RALB: variants seen among roughly 807,000 people sequenced by gnomAD.
RALB encodes the protein ras-related protein Ral-B.
Under a neutral mutation model 21.3 loss-of-function variants are expected in RALB, and 16 were observed. That is an observed-to-expected ratio of 0.75 (90% confidence interval 0.51 to 1.14). RALB has a LOEUF of 1.14. RALB is among the 50% of genes most tolerant of loss of function. The probability of loss-of-function intolerance (pLI) is 0.00; values close to 1 mark genes in which losing one functional copy is unlikely to be tolerated. For synonymous variants in RALB, 93 were observed against 96.1 expected (o/e 0.97, Z 0.19); for missense variants, 161 against 256.2 (o/e 0.63, Z 2.54).
chr2:120,250,514 C>A (rs1225946191), upstream of RALB, among the ~76,000 whole-genome samples: 1 of 152,216 alleles, frequency 6.6e-6, no homozygotes, highest in Non-Finnish European at 1.5e-5. Flanking sequence ...CCAGTGCTCA[C>A]AAGAGAGGAG....
rs776654341 is a variant in RALB at position 120,289,732 on chromosome 2, C to T, written c.476C>T (p.Ala159Val). ...GGCGTGCAGTACGTGGAGACGTCAG[C>T]GAAGACCCGGGCCAACGTGGACAAG... is the stretch of plus-strand genomic sequence containing the variant. Reference protein sequence around the residue: ...EWGVQYVETSAKTRANVDKVF... With the variant: ...EWGVQYVETSVKTRANVDKVF... Residue 159 changes from alanine to valine, a missense_variant, in exon 4 of 5, where the codon GCG becomes GTG. Physicochemically the swap from Ala to Val is moderately conservative, Grantham distance 64. Coordinates refer to ENST00000272519, the MANE Select transcript of RALB (RefSeq NM_002881.3). The T allele has an allele frequency of 6.2e-7, 1 of 1,610,376 alleles. No homozygotes were observed. The highest frequency in any genetic ancestry group is 8.5e-7 in the Non-Finnish European group (1 of 1,178,382).
At chr2:120,276,160 T>C (rs999647277) in intron 1 of RALB, among the ~76,000 whole-genome samples, 1 of 152,250 alleles carries the variant, frequency 6.6e-6, no homozygotes, top group African/African-American at 2.4e-5. Context: ...ATGGTGGACC[T>C]GCCTGGCCCC....
chr2:120,289,633 T>G lies in RALB; in HGVS notation c.377T>G (p.Val126Gly). Residue 126 changes from valine to glycine, a missense_variant, in exon 4 of 5, where the codon GTG becomes GGG. Transcript: ENST00000272519. Reference protein sequence around the residue: ...AEEDKIPLLVVGNKSDLEERR... With the variant: ...AEEDKIPLLVGGNKSDLEERR... ...GAAGATAAAATTCCACTGCTCGTCG[T>G]GGGAAACAAGTCTGACCTAGAGGAG... 6.2e-7 allele frequency: 1 copy of G among 1,614,204 alleles called. No homozygotes were observed. The highest frequency in any genetic ancestry group is 8.5e-7 in the Non-Finnish European group (1 of 1,180,024).
upstream of RALB, among the ~76,000 whole-genome samples, chr2:120,252,228 G>C (rs1465524890): frequency 1.3e-5 from 2 of 152,118 alleles, no homozygotes; most frequent in African/African-American, 4.8e-5. Flanking sequence ...CTTGCCCACT[G>C]CACTTCCTGC....
chr2:120,252,325 C>T (rs1303933250), upstream of RALB, among the ~76,000 whole-genome samples: 2 of 152,204 alleles, frequency 1.3e-5, no homozygotes, highest in African/African-American at 4.8e-5. Flanking sequence ...TCCATTACTG[C>T]TAATGGGATG....
At chr2:120,268,580 G>T (rs1021431207) in intron 1 of RALB, among the ~76,000 whole-genome samples, 13 of 152,148 alleles carry the variant, frequency 8.5e-5, no homozygotes, top group Admixed American at 4.6e-4. Context: ...AGTGTGTGTG[G>T]GGGGTGTTGC....
At chr2:120,253,307 C>T (rs927574525) in intron 1 of RALB, 25 of 824,628 alleles carry the variant, frequency 3.0e-5, no homozygotes, top group Non-Finnish European at 3.5e-5. Flanking sequence ...GCCTCCCGCT[C>T]GGGACCGTCC....
chr2:120,251,167 C>A (rs1435956112), upstream of RALB, among the ~76,000 whole-genome samples: 1 of 152,222 alleles, frequency 6.6e-6, no homozygotes, highest in African/African-American at 2.4e-5. Context: ...AACTATCATA[C>A]CCTTTTCACT....
At chr2:120,290,650 T>C (rs1311388389) in intron 4 of RALB, among the ~76,000 whole-genome samples, 2 of 151,704 alleles carry the variant, frequency 1.3e-5, no homozygotes, top group African/African-American at 4.8e-5. Flanking sequence ...TTTTTATCTC[T>C]TATCCCATCC....
intron 2 of RALB, among the ~76,000 whole-genome samples, chr2:120,285,514 A>G (rs545497448): frequency 7.2e-5 from 11 of 152,332 alleles, no homozygotes; most frequent in African/African-American, 2.4e-4. Flanking sequence ...ACACGTGTAT[A>G]CATGTGTAAC....
At chr2:120,262,932 G>T (rs771905504) in intron 1 of RALB, among the ~76,000 whole-genome samples, 1 of 152,172 alleles carries the variant, frequency 6.6e-6, no homozygotes, top group Non-Finnish European at 1.5e-5. Context: ...GCCCTGAGAC[G>T]TAGGCAGGGC....
chr2:120,258,339 C>G (rs1275442796), intron 1 of RALB, among the ~76,000 whole-genome samples: 2 of 152,202 alleles, frequency 1.3e-5, no homozygotes, highest in Non-Finnish European at 2.9e-5. Flanking sequence ...GACTTTGCTT[C>G]CTCTTGCTTC....
chr2:120,288,342 G>GTTTTTTTTTTTTTT lies in RALB; in HGVS notation c.324-1227_324-1226insTTTTTTTTTTTTTT, dbSNP rs547733377. On this transcript the variant is annotated intron_variant, in intron 3 of 4. Coordinates refer to ENST00000272519, the MANE Select transcript of RALB (RefSeq NM_002881.3). Reference sequence around the variant, plus strand: ...TTAAATTGACTACATGAAAATTTTAGTTTTTTTTTTTGTTTTTTTTTTTGT... The same window carrying GTTTTTTTTTTTTTT: ...TTAAATTGACTACATGAAAATTTTAGTTTTTTTTTTTTTTTTTTTTTTTTTGTTTTTTTTTTTGT... Among the ~76,000 whole-genome samples, 19 of 117,092 alleles carry GTTTTTTTTTTTTTT rather than the reference G, an allele frequency of 1.6e-4. 3 individuals are homozygous for GTTTTTTTTTTTTTT. Among genetic ancestry groups the GTTTTTTTTTTTTTT allele is most frequent in the Non-Finnish European group, 2.5e-4 (15 of 60,192 alleles). The allele number at this position is 117,092 out of a possible 152,430, so 76.8% of individuals were successfully genotyped here. A position where few individuals can be genotyped will look rare whatever the true frequency, so the allele number is the denominator to read the frequency against.
chr2:120,293,069 T>G, intron 4 of RALB, 72 bp from the exon 5 acceptor site: 1 of 1,461,962 alleles, frequency 6.8e-7, no homozygotes, highest in Non-Finnish European at 9.1e-7. Flanking sequence ...CAGTGTCAGG[T>G]TAACAAAAGA....
chr2:120,282,546 G>GGT (rs745425645), intron 2 of RALB, among the ~76,000 whole-genome samples: 5 of 129,792 alleles, frequency 3.9e-5, no homozygotes, highest in East Asian at 2.7e-4. Context: ...GAGGTTTCTG[G>GGT]GTGTGTGTGT....
Position 120,278,796 on chromosome 2 carries a change from C to G in RALB, c.114+18C>G. 1 of 1,503,798 alleles carries G rather than the reference C, an allele frequency of 6.6e-7. No individual in the cohort carries two copies. The highest frequency in any genetic ancestry group is 1.3e-5 in the South Asian group (1 of 75,212). The allele number at this position is 1,503,798 out of a possible 1,614,324, so 93.2% of individuals were successfully genotyped here. A position where few individuals can be genotyped will look rare whatever the true frequency, so the allele number is the denominator to read the frequency against. On this transcript the variant is annotated intron_variant, in intron 2 of 4. Coordinates refer to ENST00000272519, the MANE Select transcript of RALB (RefSeq NM_002881.3). ...ATGACGAGGTAAGCCCTGCTAGGCACAGACCACCTTCCTTTGGCATTGGCC... is the reference window on the plus strand; with the variant it reads ...ATGACGAGGTAAGCCCTGCTAGGCAGAGACCACCTTCCTTTGGCATTGGCC...
At chr2:120,265,080 T>G (rs1689467542) in intron 1 of RALB, among the ~76,000 whole-genome samples, 1 of 152,206 alleles carries the variant, frequency 6.6e-6, no homozygotes, top group Admixed American at 6.5e-5. Context: ...TCTGTTCAAG[T>G]CCTTGCTTTC....
intron 1 of RALB, among the ~76,000 whole-genome samples, chr2:120,272,738 G>T (rs920410916): frequency 1.3e-5 from 2 of 151,828 alleles, no homozygotes; most frequent in African/African-American, 4.8e-5. Flanking sequence ...TATCTAGTCA[G>T]TTCCTTCAGC....
upstream of RALB, among the ~76,000 whole-genome samples, chr2:120,250,180 C>T (rs73948769): frequency 0.027 from 4,047 of 152,228 alleles, 187 homozygotes; most frequent in African/African-American, 0.093. Flanking sequence ...ACCTTGCATC[C>T]GTCAGAGCAG....
Sources: gnomAD v4.1 joint callset for allele counts (sites outside exome capture counted in the v4.1 genomes callset) on GRCh38, gnomAD v4.1.1 for gene constraint, MANE v1.5 for transcripts, NCBI Gene and HGNC (gene_info 2026-07-23, HGNC 2026-07-21) for gene names.